The following TNPO1 variants were observed in gnomAD, a reference collection of about 807,000 sequenced individuals.
TNPO1 encodes transportin-1.
Under a neutral mutation model 119.5 loss-of-function variants are expected in TNPO1, and 8 were observed. That is an observed-to-expected ratio of 0.07 (90% CI 0.04 to 0.12). The LOEUF is 0.12. TNPO1 is among the 10% of genes least tolerant of loss of function. The pLI is 1.00. For synonymous variants in TNPO1, 362 were observed against 363.0 expected (o/e 1.00, Z 0.03); for missense variants, 576 against 1,089.8 (o/e 0.53, Z 6.64).
intron 17 of TNPO1, 28 bp from the exon 18 acceptor site, chr5:72,893,588 G>A: frequency 6.2e-7 from 1 of 1,614,158 alleles, no homozygotes; most frequent in Non-Finnish European, 8.5e-7. Flanking sequence ...GTGTCACATT[G>A]GGGTTAATTT....
intron 16 of TNPO1, 25 bp from the exon 17 acceptor site, chr5:72,893,352 C>A (rs558646830): frequency 1.7e-5 from 28 of 1,607,492 alleles, no homozygotes; most frequent in Non-Finnish European, 2.4e-5. Context: ...ACCAAACTTA[C>A]AAAAAACATT....
intron 5 of TNPO1, 84 bp from the exon 6 acceptor site, chr5:72,865,512 T>C (rs1746814328): frequency 6.9e-7 from 1 of 1,439,696 alleles, no homozygotes; most frequent in Admixed American, 1.9e-5. Flanking sequence ...CATTAGTCCA[T>C]ACAAATTAAT....
At chr5:72,856,531 C>T (rs2549207) in intron 4 of TNPO1, among the ~76,000 whole-genome samples, 1 of 151,824 alleles carries the variant, frequency 6.6e-6, no homozygotes. Context: ...TGGCGCCTGG[C>T]TTGGAGTTCC....
At chr5:72,861,260 AAAG>A (rs139968380) in intron 4 of TNPO1, among the ~76,000 whole-genome samples, 9,043 of 152,188 alleles carry the variant, frequency 0.059, 917 homozygotes, top group African/African-American at 0.21. Flanking sequence ...TATGGCAGAA[AAAG>A]AAGTTGCATT....
At chr5:72,878,144 C>T (rs541446700) in intron 9 of TNPO1, among the ~76,000 whole-genome samples, 30 of 151,990 alleles carry the variant, frequency 2.0e-4, no homozygotes, top group Middle Eastern at 3.4e-3. Flanking sequence ...TATATGTGTA[C>T]GCTATAGAGA....
At chr5:72,861,185 A>G (rs1233392474) in intron 4 of TNPO1, among the ~76,000 whole-genome samples, 2 of 152,160 alleles carry the variant, frequency 1.3e-5, no homozygotes, top group African/African-American at 4.8e-5. Flanking sequence ...TGCTGGGATT[A>G]CAGGTGTGAG....
chr5:72,901,816 C>G (rs1343680269), intron 22 of TNPO1, among the ~76,000 whole-genome samples: 1 of 152,140 alleles, frequency 6.6e-6, no homozygotes, highest in African/African-American at 2.4e-5. Context: ...CAAGATACAT[C>G]AAATCAATTG....
intron 11 of TNPO1, among the ~76,000 whole-genome samples, chr5:72,884,314 T>G (rs1748464028): frequency 6.6e-6 from 1 of 152,170 alleles, no homozygotes; most frequent in South Asian, 2.1e-4. Flanking sequence ...GTGGACCTGC[T>G]CTTATTTTAT....
chr5:72,882,063 A>G (rs464923), intron 9 of TNPO1, among the ~76,000 whole-genome samples: 19,866 of 152,156 alleles, frequency 0.13, 1,486 homozygotes, highest in East Asian at 0.3. Flanking sequence ...ATCATCAGTG[A>G]TTAACTGTTA....
intron 1 of TNPO1, among the ~76,000 whole-genome samples, chr5:72,840,225 A>G (rs1003518926): frequency 6.6e-6 from 1 of 152,300 alleles, no homozygotes; most frequent in Middle Eastern, 3.4e-3. Context: ...AGTTCAGTGC[A>G]TGGGCTCTGG....
chr5:72,821,658 G>A (rs1000475760), intron 1 of TNPO1, among the ~76,000 whole-genome samples: 14 of 152,130 alleles, frequency 9.2e-5, no homozygotes, highest in Non-Finnish European at 1.0e-4. Flanking sequence ...TTACATACTA[G>A]TGGAGAAAGA....
intron 21 of TNPO1, 118 bp downstream of exon 21, chr5:72,900,199 C>G: frequency 1.2e-6 from 1 of 825,740 alleles, no homozygotes; most frequent in Non-Finnish European, 1.9e-6. Flanking sequence ...TCATTGCCAA[C>G]CATGTGACTA....
At chr5:72,851,800 C>G (rs918987572) in intron 3 of TNPO1, among the ~76,000 whole-genome samples, 3 of 152,158 alleles carry the variant, frequency 2.0e-5, no homozygotes, top group Admixed American at 2.0e-4. Flanking sequence ...AGCCAGCATT[C>G]ATTTTTAATA....
chr5:72,907,761 A>C (rs1488819157), intron 24 of TNPO1, among the ~76,000 whole-genome samples: 1 of 152,158 alleles, frequency 6.6e-6, no homozygotes, highest in African/African-American at 2.4e-5. Flanking sequence ...AGGCAAGTGT[A>C]GGCAGGGTGT....
chr5:72,849,378 T>G (rs960098925), intron 2 of TNPO1, among the ~76,000 whole-genome samples: 9 of 152,216 alleles, frequency 5.9e-5, no homozygotes, highest in Non-Finnish European at 1.0e-4. Flanking sequence ...AATAACCTTT[T>G]AACCCCCGTT....
intron 1 of TNPO1, among the ~76,000 whole-genome samples, chr5:72,834,673 T>G (rs1280755417): frequency 1.3e-5 from 2 of 152,166 alleles, no homozygotes; most frequent in Non-Finnish European, 2.9e-5. Flanking sequence ...AAATAAAAAG[T>G]TACAGTAACA....
At chr5:72,850,454 T>C (rs543707245) in intron 2 of TNPO1, among the ~76,000 whole-genome samples, 1 of 152,334 alleles carries the variant, frequency 6.6e-6, no homozygotes, top group East Asian at 1.9e-4. Context: ...AAAGTGTTAC[T>C]GGAGTTTGAT....
rs1351275566 is a variant in TNPO1 at position 72,890,025 on chromosome 5, A to G, written c.1701+68A>G. ...ATAGTTACAATTAATAGATTAGCAT[A>G]TATTTGGAAATTAAGATGTTTTGGG... On this transcript the variant is annotated intron_variant, in intron 14 of 24. Transcript: ENST00000337273. 1.0e-5 allele frequency: 16 copies of G among 1,527,266 alleles called. No individual in the cohort carries two copies. In the East Asian group the frequency reaches 1.8e-4, roughly 17 times the overall value. The allele number at this position is 1,527,266 out of a possible 1,614,324, so 94.6% of individuals were successfully genotyped here.
In TNPO1 at chr5:72,891,863, G is replaced by T; in HGVS notation, c.1755G>T (p.Lys585Asn). ...PPLIQKWNML[K>N]DEDKDLFPLL... is the part of the protein sequence containing the mutation. Reference sequence around the variant, plus strand: ...TGATCCAGAAATGGAACATGTTAAAGGATGAAGATAAAGATCTCTTCCCTT... The same window carrying T: ...TGATCCAGAAATGGAACATGTTAAATGATGAAGATAAAGATCTCTTCCCTT... Residue 585 changes from lysine (K) to asparagine (N), a missense_variant, in exon 15 of 25, where the codon AAG becomes AAT. Transcript: ENST00000337273. The T allele has an allele frequency of 6.2e-7, 1 of 1,611,330 alleles. No individual in the cohort carries two copies. Among genetic ancestry groups the T allele is most frequent in the Non-Finnish European group, 8.5e-7 (1 of 1,178,786 alleles).
Sources: gnomAD v4.1 joint callset for allele counts (sites outside exome capture counted in the v4.1 genomes callset) on GRCh38, gnomAD v4.1.1 for gene constraint, MANE v1.5 for transcripts, NCBI Gene and HGNC (gene_info 2026-07-23, HGNC 2026-07-21) for gene names.